LMLN: variants seen among roughly 807,000 people sequenced by gnomAD.
The protein encoded by LMLN is leishmanolysin-like peptidase.
In LMLN, 70 loss-of-function variants were observed where a neutral mutation model predicts 92.3. The observed-to-expected ratio is 0.76, with a 90% CI of 0.63 to 0.92. The LOEUF is 0.92. Among genes scored for constraint, LMLN ranks in the 40% least tolerant of loss-of-function variants. The pLI is 0.00. For missense variants in LMLN, 691 were observed against 814.6 expected (o/e 0.85, Z 1.85); for synonymous variants, 308 against 296.2 (o/e 1.04, Z -0.41).
intron 1 of LMLN, among the ~76,000 whole-genome samples, chr3:197,972,427 T>A (rs1014144194): frequency 2.0e-5 from 3 of 152,188 alleles, no homozygotes; most frequent in Non-Finnish European, 4.4e-5. Context: ...TGGCTCTTTT[T>A]TCTTTGGTTC....
At chr3:197,964,320 C>T (rs1276657591) in intron 1 of LMLN, among the ~76,000 whole-genome samples, 1 of 151,796 alleles carries the variant, frequency 6.6e-6, no homozygotes, top group Non-Finnish European at 1.5e-5. Flanking sequence ...TTTCTAAGTA[C>T]AACTTTAGCT....
At chr3:197,972,003 T>C (rs1329841195) in intron 1 of LMLN, among the ~76,000 whole-genome samples, 1 of 148,132 alleles carries the variant, frequency 6.8e-6, no homozygotes, top group East Asian at 2.0e-4. Flanking sequence ...GATTGGATAA[T>C]GTCTAGATCT....
rs776335971 is a variant in LMLN, at chr3:197,976,581, G to A, written c.432-17G>A. The A allele has an allele frequency of 9.3e-6, 13 of 1,402,230 alleles. No individual in the cohort carries two copies. The East Asian group carries it at 2.4e-4, about 26-fold the overall frequency. The allele number at this position is 1,402,230 out of a possible 1,614,324, so 86.9% of individuals were successfully genotyped here. On this transcript the variant is annotated splice_polypyrimidine_tract_variant and intron_variant, in intron 4 of 15. Transcript: ENST00000330198. ...CTCTTTTTTGTATTTAAACTTTGAT[G>A]TACAAATGGACTGAAGACAATGTGC...
intron 11 of LMLN, among the ~76,000 whole-genome samples, chr3:198,014,475 C>T (rs1321472471): frequency 7.5e-6 from 1 of 133,640 alleles, no homozygotes; most frequent in Non-Finnish European, 1.6e-5. Context: ...CTTCAGAGCC[C>T]CCTAACTAGT....
chr3:198,010,163 T>C (rs1353175244), intron 11 of LMLN, among the ~76,000 whole-genome samples: 2 of 152,164 alleles, frequency 1.3e-5, no homozygotes, highest in African/African-American at 4.8e-5. Flanking sequence ...ATGATGATGA[T>C]TATTTTTTGA....
At chr3:198,032,095 C>T (rs1297456574) in intron 14 of LMLN, among the ~76,000 whole-genome samples, 1 of 136,652 alleles carries the variant, frequency 7.3e-6, no homozygotes, top group African/African-American at 3.1e-5. Flanking sequence ...GAGTGAGACT[C>T]TGACTCAAAA....
chr3:198,027,217 C>T (rs1043429962), intron 14 of LMLN, among the ~76,000 whole-genome samples: 9 of 152,090 alleles, frequency 5.9e-5, no homozygotes, highest in African/African-American at 1.7e-4. Flanking sequence ...CCTCGTCACC[C>T]GGCCAACTCT....
intron 11 of LMLN, among the ~76,000 whole-genome samples, chr3:198,014,884 C>G (rs1722577789): frequency 7.3e-6 from 1 of 136,098 alleles, no homozygotes; most frequent in African/African-American, 2.9e-5. Context: ...ATCAGAGCCC[C>G]CTACCTAGTC....
chr3:197,998,470 C>T (rs1375552830), intron 10 of LMLN, among the ~76,000 whole-genome samples: 2 of 152,034 alleles, frequency 1.3e-5, no homozygotes, highest in Admixed American at 6.6e-5. Context: ...GAAAGCTGTA[C>T]ATTGGCCAGA....
At chr3:198,011,844 G>A (rs369928465) in intron 11 of LMLN, among the ~76,000 whole-genome samples, 59 of 152,224 alleles carry the variant, frequency 3.9e-4, no homozygotes, top group African/African-American at 1.4e-3. Context: ...TACACCAAAA[G>A]CAATGGCAAC....
chr3:198,032,847 A>C (rs1292549409), intron 14 of LMLN, among the ~76,000 whole-genome samples: 1 of 152,212 alleles, frequency 6.6e-6, no homozygotes, highest in Non-Finnish European at 1.5e-5. Context: ...TGGGTTCGGA[A>C]CGAACTGGTC....
chr3:197,989,068 A>G (rs1369781707), intron 8 of LMLN, among the ~76,000 whole-genome samples: 1 of 152,168 alleles, frequency 6.6e-6, no homozygotes. Context: ...ATATAGTTAG[A>G]GCATGTTTTT....
Position 197,977,937 on chromosome 3 carries a change from T to C in LMLN, c.549+1222T>C, listed in dbSNP as rs575568645. Reference sequence around the variant, plus strand: ...AAAATCATCAAACAATCTGGAAGTATACACACGTTAAATCTGGATACATAT... The same window carrying C: ...AAAATCATCAAACAATCTGGAAGTACACACACGTTAAATCTGGATACATAT... On this transcript the variant is annotated intron_variant, in intron 5 of 15. Transcript: ENST00000330198. Among the ~76,000 whole-genome samples the C allele has an allele frequency of 4.5e-4, 67 of 150,220 alleles. 2 individuals carry two copies. Among genetic ancestry groups the C allele is most frequent in the Admixed American group, 1.3e-3 (19 of 15,084 alleles).
intron 5 of LMLN, among the ~76,000 whole-genome samples, chr3:197,979,506 C>G (rs927116974): frequency 6.6e-6 from 1 of 152,062 alleles, no homozygotes; most frequent in African/African-American, 2.4e-5. Flanking sequence ...TATAGTGAGA[C>G]CCCGTCTATA....
intron 7 of LMLN, 77 bp from the exon 8 acceptor site, chr3:197,985,719 G>C: frequency 1.1e-6 from 1 of 928,070 alleles, no homozygotes; most frequent in South Asian, 1.4e-5. Flanking sequence ...GTTAGTATCA[G>C]TGCTCTCTTT....
At chr3:197,994,085 G>A (rs1287370691) in intron 9 of LMLN, among the ~76,000 whole-genome samples, 1 of 152,106 alleles carries the variant, frequency 6.6e-6, no homozygotes, top group Non-Finnish European at 1.5e-5. Flanking sequence ...AATGAAATTT[G>A]ACCCTTATCT....
chr3:197,988,481 C>CTTTTTTTTTTTT (rs67505779), intron 8 of LMLN, among the ~76,000 whole-genome samples: 1 of 42,036 alleles, frequency 2.4e-5, no homozygotes, highest in Non-Finnish European at 4.0e-5. Context: ...GGATTTACCC[C>CTTTTTTTTTTTT]TTTTTTTTTT....
chr3:197,993,644 A>G (rs1053488918), intron 9 of LMLN, among the ~76,000 whole-genome samples: 7 of 152,276 alleles, frequency 4.6e-5, no homozygotes, highest in African/African-American at 1.7e-4. Flanking sequence ...TAGTATTGTT[A>G]AAATGTCCAT....
chr3:197,997,078 T>G (rs1722047178), intron 10 of LMLN, among the ~76,000 whole-genome samples: 1 of 149,722 alleles, frequency 6.7e-6, no homozygotes, highest in Admixed American at 6.6e-5. Flanking sequence ...CTTTCTTTCC[T>G]TTTCTTTTTC....
Sources: gnomAD v4.1 joint callset for allele counts (sites outside exome capture counted in the v4.1 genomes callset) on GRCh38, gnomAD v4.1.1 for gene constraint, MANE v1.5 for transcripts, NCBI Gene and HGNC (gene_info 2026-07-23, HGNC 2026-07-21) for gene names.